LYSMD4: variants seen among roughly 807,000 people sequenced by gnomAD.
The protein encoded by LYSMD4 is LysM domain containing 4, also known as lysM and putative peptidoglycan-binding domain-containing protein 4.
In LYSMD4, 9 loss-of-function variants were observed where a neutral mutation model predicts 6.1. The observed-to-expected ratio is 1.47, with a 90% CI of 0.88 to 2.56. The LOEUF (loss-of-function observed/expected upper bound fraction) is 2.56. Ranked by LOEUF, LYSMD4 falls within the 30% of genes most tolerant of loss-of-function variation. LYSMD4 has a pLI of 0.00. For synonymous variants in LYSMD4, 143 were observed against 148.5 expected (o/e 0.96, Z 0.27); for missense variants, 384 against 373.5 (o/e 1.03, Z -0.23).
At chr15:99,716,677 C>T (rs1037852975) in exon 1 of LYSMD4, 23 of 456,664 alleles carry the variant, frequency 5.0e-5, no homozygotes, top group Admixed American at 1.4e-4. Flanking sequence ...TCCCCCTTGT[C>T]GGCTCCCGGG....
chr15:99,732,282 C>T (rs946167989), intron 1 of LYSMD4, among the ~76,000 whole-genome samples: 5 of 152,150 alleles, frequency 3.3e-5, no homozygotes, highest in African/African-American at 1.2e-4. Context: ...CTCCCCTAAA[C>T]CCACATCTGT....
chr15:99,732,806 AGCTCGACCCCCTACTCCC>A lies in LYSMD4; in HGVS notation c.-9+521_-9+538del, dbSNP rs1388174973. 3 of 152,528 alleles carry A rather than the reference AGCTCGACCCCCTACTCCC, an allele frequency of 2.0e-5. No individual in the cohort carries two copies. In the East Asian group the frequency reaches 5.8e-4, roughly 29 times the overall value. 9.4% of individuals were successfully genotyped at this position (152,528 alleles called of 1,614,324 possible). ...CCGTACGGGGACAGCCTGCGGCCCC[AGCTCGACCCCCTACTCCC>A]CGCCCACGCCTTCGAGGGTCACAGG... On this transcript the variant is annotated intron_variant, in intron 1 of 2. Coordinates refer to ENST00000684762, the MANE Select transcript of LYSMD4 (RefSeq NM_001284417.2).
downstream of LYSMD4, among the ~76,000 whole-genome samples, chr15:99,726,160 TTTTTTTTTC>T (rs1336465490): frequency 1.4e-5 from 2 of 140,414 alleles, no homozygotes; most frequent in Admixed American, 7.1e-5. Context: ...TTTTTTTTTT[TTTTTTTTTC>T]CCGCCTGAGT....
chr15:99,720,755 T>C (rs1172647160), upstream of LYSMD4: 1 of 152,194 alleles, frequency 6.6e-6, no homozygotes, highest in African/African-American at 2.4e-5. Context: ...ATTGAGAAAA[T>C]AGATGGAATC....
At chr15:99,733,322 C>T (rs1437234875) in intron 1 of LYSMD4, 23 bp downstream of exon 1, 2 of 391,794 alleles carry the variant, frequency 5.1e-6, no homozygotes, top group Non-Finnish European at 4.5e-6. Flanking sequence ...CAGACCGCGG[C>T]CCCCTCGTCC....
chr15:99,733,080 G>C (rs2059460227), intron 1 of LYSMD4: 1 of 350,872 alleles, frequency 2.9e-6, no homozygotes, highest in Non-Finnish European at 5.1e-6. Context: ...ATGGGGAGCG[G>C]CCCGGCCCCA....
At chr15:99,724,873 T>G (rs2059265224), downstream of LYSMD4, among the ~76,000 whole-genome samples, 2 of 152,212 alleles carry the variant, frequency 1.3e-5, no homozygotes, top group South Asian at 4.1e-4. Context: ...AGGTTGGAGC[T>G]GCACTTCATC....
At chr15:99,733,040 T>G in intron 1 of LYSMD4, 3 of 291,914 alleles carry the variant, frequency 1.0e-5, no homozygotes, top group African/African-American at 2.2e-5. Flanking sequence ...TGCGAAAAGA[T>G]GGGGCACCTC....
chr15:99,726,727 A>G (rs1307556128), downstream of LYSMD4, among the ~76,000 whole-genome samples: 1 of 152,204 alleles, frequency 6.6e-6, no homozygotes, highest in Non-Finnish European at 1.5e-5. Flanking sequence ...TCAGCACTAT[A>G]GTTCAACCAA....
chr15:99,716,980 T>C, exon 1 of LYSMD4: 1 of 286,732 alleles, frequency 3.5e-6, no homozygotes, highest in Non-Finnish European at 7.0e-6. Context: ...CTGGCATGAA[T>C]TGAGTTTTCA....
chr15:99,723,416 A>G (rs1181794001), downstream of LYSMD4, among the ~76,000 whole-genome samples: 1 of 152,182 alleles, frequency 6.6e-6, no homozygotes, highest in Non-Finnish European at 1.5e-5. Context: ...GGCCAATTGT[A>G]TTAACTCTTT....
At chr15:99,717,764 A>G (rs1175357749) in exon 1 of LYSMD4, 1 of 152,258 alleles carries the variant, frequency 6.6e-6, no homozygotes, top group Non-Finnish European at 1.5e-5. Flanking sequence ...CCTACACTCC[A>G]GTCACTTTCT....
At chr15:99,729,867 T>A (rs1773387593) in intron 2 of LYSMD4, 136 bp from the exon 3 acceptor site, 2 of 1,148,742 alleles carry the variant, frequency 1.7e-6, no homozygotes, top group African/African-American at 3.1e-5. Context: ...ACTGGAAAAC[T>A]GCAGCTGTAC....
downstream of LYSMD4, among the ~76,000 whole-genome samples, chr15:99,724,589 G>A (rs2059262928): frequency 6.6e-6 from 1 of 152,182 alleles, no homozygotes; most frequent in African/African-American, 2.4e-5. Flanking sequence ...ATCCCATTAG[G>A]TTATAAGCAC....
downstream of LYSMD4, among the ~76,000 whole-genome samples, chr15:99,726,258 C>G (rs1471944093): frequency 6.7e-6 from 1 of 149,472 alleles, no homozygotes; most frequent in African/African-American, 2.4e-5. Context: ...ATTCCCGTGC[C>G]ACAGCCTCCC....
At chr15:99,716,162 C>T (rs971148594) in exon 1 of LYSMD4, 2 of 176,442 alleles carry the variant, frequency 1.1e-5, no homozygotes, top group African/African-American at 4.7e-5. Flanking sequence ...GAAGACACTG[C>T]TTTGCTATAT....
chr15:99,731,493 G>C, intron 2 of LYSMD4: 2 of 1,590,426 alleles, frequency 1.3e-6, no homozygotes. Context: ...TCCCTGCAGA[G>C]AAAGAAATGC....
Position 99,728,824 on chromosome 15 carries a change from T to G in LYSMD4, c.*299A>C, listed in dbSNP as rs1234331366. The stretch of plus-strand genomic sequence containing the variant: ...ATCTTTCCCTCCGAGCACGTCCAAC[T>G]TGGGGGTCCTCACAGTGCTGCTATG... On this transcript the variant is annotated 3_prime_UTR_variant, in exon 3 of 3. Transcript: ENST00000684762. 5.1e-6 allele frequency: 2 copies of G among 389,038 alleles called. No individual in the cohort carries two copies. The highest frequency in any genetic ancestry group is 4.6e-5 in the East Asian group (1 of 21,700). 24.1% of individuals were successfully genotyped at this position (389,038 alleles called of 1,614,324 possible).
At chr15:99,731,546 T>C in intron 2 of LYSMD4, 172 bp downstream of exon 2, 1 of 1,538,878 alleles carries the variant, frequency 6.5e-7, no homozygotes, top group Non-Finnish European at 8.7e-7. Context: ...GAACTAAAGG[T>C]ACTCCCACCT....
Sources: gnomAD v4.1 joint callset for allele counts (sites outside exome capture counted in the v4.1 genomes callset) on GRCh38, gnomAD v4.1.1 for gene constraint, MANE v1.5 for transcripts, NCBI Gene and HGNC (gene_info 2026-07-23, HGNC 2026-07-21) for gene names.